The following CHRM5 variants were observed in gnomAD, a reference collection of about 807,000 sequenced individuals.
CHRM5 encodes the protein muscarinic acetylcholine receptor M5.
CHRM5 carries 18 observed loss-of-function variants against 39.0 expected under a neutral mutation model. That is an observed-to-expected ratio of 0.46 (90% confidence interval 0.32 to 0.68). The LOEUF (loss-of-function observed/expected upper bound fraction) is 0.68. Ranked by LOEUF, CHRM5 falls within the 30% of genes least tolerant of loss-of-function variation. CHRM5 has a pLI of 0.04. For missense variants in CHRM5, 515 were observed against 651.1 expected, an observed-to-expected ratio of 0.79 and a Z score of 2.28; for synonymous variants, 241 against 246.3, an observed-to-expected ratio of 0.98 and a Z score of 0.20.
At chr15:33,995,871 G>A (rs1342444827) in intron 1 of CHRM5, among the ~76,000 whole-genome samples, 2 of 152,256 alleles carry the variant, frequency 1.3e-5, no homozygotes, top group Admixed American at 1.3e-4. Flanking sequence ...CTGAAGCGGG[G>A]CGGGGCGCTG....
At chr15:33,997,553 C>T (rs1896985823) in intron 1 of CHRM5, among the ~76,000 whole-genome samples, 1 of 152,106 alleles carries the variant, frequency 6.6e-6, no homozygotes, top group Non-Finnish European at 1.5e-5. Context: ...CAAATCTCAA[C>T]GTCAAACATT....
chr15:34,011,154 TG>T (rs1897620633), intron 1 of CHRM5, among the ~76,000 whole-genome samples: 1 of 152,072 alleles, frequency 6.6e-6, no homozygotes, highest in African/African-American at 2.4e-5. Context: ...ATCATGCCAC[TG>T]CACTCCAGCC....
intron 1 of CHRM5, among the ~76,000 whole-genome samples, chr15:34,024,519 A>G (rs1013481576): frequency 2.7e-5 from 4 of 150,548 alleles, no homozygotes; most frequent in Non-Finnish European, 3.0e-5. Context: ...CAGAATATTC[A>G]TTAAGGAAAA....
chr15:34,038,968 C>T, intron 1 of CHRM5: 2 of 1,110,286 alleles, frequency 1.8e-6, no homozygotes, highest in Non-Finnish European at 2.2e-6. Context: ...CCGGGCCGCT[C>T]GCTGTGGCGA....
chr15:34,039,439 G>A (rs1274922387), intron 1 of CHRM5, among the ~76,000 whole-genome samples: 1 of 152,136 alleles, frequency 6.6e-6, no homozygotes, highest in African/African-American at 2.4e-5. Flanking sequence ...GTATGTATTT[G>A]CATAAGAAAA....
At chr15:34,041,965 T>C (rs1231556790) in intron 1 of CHRM5, among the ~76,000 whole-genome samples, 1 of 152,202 alleles carries the variant, frequency 6.6e-6, no homozygotes, top group East Asian at 1.9e-4. Context: ...TATCTTGTTT[T>C]TCTCAATTCA....
intron 1 of CHRM5, among the ~76,000 whole-genome samples, chr15:33,993,072 A>G (rs1459814473): frequency 6.6e-6 from 1 of 152,108 alleles, no homozygotes; most frequent in Non-Finnish European, 1.5e-5. Context: ...ACTGTTAAAC[A>G]TTTTTCTAAC....
intron 1 of CHRM5, among the ~76,000 whole-genome samples, chr15:33,994,022 A>G (rs1311028873): frequency 2.0e-5 from 3 of 152,132 alleles, no homozygotes; most frequent in Non-Finnish European, 4.4e-5. Context: ...AGCTGTGAAC[A>G]TTTGGGCACA....
chr15:34,003,231 C>A, intron 1 of CHRM5: 1 of 1,610,648 alleles, frequency 6.2e-7, no homozygotes, highest in South Asian at 1.1e-5. Context: ...AGAGACAAAT[C>A]AATAAGTAAG....
intron 2 of CHRM5, among the ~76,000 whole-genome samples, chr15:34,052,549 G>A (rs2568542): frequency 0.1 from 15,599 of 152,264 alleles, 952 homozygotes; most frequent in South Asian, 0.27. Context: ...AAGACAGGAT[G>A]TCAAATTATC....
chr15:33,992,367 G>A (rs916208728), intron 1 of CHRM5, among the ~76,000 whole-genome samples: 8 of 151,734 alleles, frequency 5.3e-5, no homozygotes, highest in African/African-American at 1.7e-4. Context: ...TCCAGCCTGC[G>A]CGACAGATCA....
At chr15:34,038,654 A>AGGCGCC (rs1306899235) in intron 1 of CHRM5, 123,669 of 848,948 alleles carry the variant, frequency 0.15, 10,393 homozygotes, top group Middle Eastern at 0.21. Context: ...CGTCCCGCGC[A>AGGCGCC]GGCGCCGGCG....
At chr15:33,973,736 CGA>C (rs1015462940) in intron 1 of CHRM5, among the ~76,000 whole-genome samples, 8 of 152,242 alleles carry the variant, frequency 5.3e-5, no homozygotes, top group African/African-American at 1.4e-4. Context: ...GTCTGACATA[CGA>C]AATTGCATTT....
At chr15:33,985,434 T>A (rs1896390236) in intron 1 of CHRM5, among the ~76,000 whole-genome samples, 1 of 82,470 alleles carries the variant, frequency 1.2e-5, no homozygotes, top group Admixed American at 1.2e-4. Context: ...TCAGTGTTCC[T>A]TTTTCAGTAA....
chr15:33,991,681 T>C (rs1267147553), intron 1 of CHRM5: 1 of 152,028 alleles, frequency 6.6e-6, no homozygotes, highest in African/African-American at 2.4e-5. Context: ...AAAAGAGAGA[T>C]TAATTCTATG....
At chr15:34,048,622 C>G (rs1450045300) in intron 2 of CHRM5, among the ~76,000 whole-genome samples, 3 of 152,220 alleles carry the variant, frequency 2.0e-5, no homozygotes, top group Non-Finnish European at 4.4e-5. Context: ...CCATTCCAGC[C>G]TGCTGGCTTT....
At chr15:34,022,311 T>A (rs887113818) in intron 1 of CHRM5, among the ~76,000 whole-genome samples, 2 of 152,184 alleles carry the variant, frequency 1.3e-5, no homozygotes, top group African/African-American at 4.8e-5. Flanking sequence ...ATTTTCCCCA[T>A]GACAAGACAG....
At chr15:34,024,810 G>A (rs999610914) in intron 1 of CHRM5, among the ~76,000 whole-genome samples, 7 of 149,870 alleles carry the variant, frequency 4.7e-5, no homozygotes, top group South Asian at 2.1e-4. Context: ...GCAGTGAGCC[G>A]AGATCGTGCC....
intron 1 of CHRM5, among the ~76,000 whole-genome samples, chr15:34,024,259 T>C (rs1201756760): frequency 6.6e-6 from 1 of 152,126 alleles, no homozygotes; most frequent in African/African-American, 2.4e-5. Flanking sequence ...ATAATGCTAT[T>C]ATAAATACAT....
Sources: gnomAD v4.1 joint callset for allele counts (sites outside exome capture counted in the v4.1 genomes callset) on GRCh38, gnomAD v4.1.1 for gene constraint, MANE v1.5 for transcripts, NCBI Gene and HGNC (gene_info 2026-07-23, HGNC 2026-07-21) for gene names.